HERC1: variants seen among roughly 807,000 people sequenced by gnomAD.
HERC1 encodes HECT and RLD domain containing E3 ubiquitin protein ligase family member 1, also known as probable E3 ubiquitin-protein ligase HERC1.
HERC1 carries 160 observed loss-of-function variants against 554.3 expected under a neutral mutation model. That is an observed-to-expected ratio of 0.29 (90% CI 0.25 to 0.33). The LOEUF (loss-of-function observed/expected upper bound fraction) is 0.33. Among genes scored for constraint, HERC1 ranks in the 10% least tolerant of loss-of-function variants. The pLI is 1.00. For synonymous variants in HERC1, 2,175 were observed against 2,131.7 expected (o/e 1.02, Z -0.56); for missense variants, 4,919 against 5,918.5 (o/e 0.83, Z 5.54).
In HERC1 at chr15:63,775,480, T is replaced by C; in HGVS notation, c.144A>G (p.Val48=). The change falls in exon 2 of 78, where the codon GTA becomes GTG. Residue 48 remains valine (V), a synonymous_variant. Transcript: ENST00000443617. The surrounding 1 kb of genome is among the most constrained non-coding windows in gnomAD (Gnocchi z 4.0). The part of the protein sequence containing the change: ...YSKLVSNKEV[V]PLPQQVLCLK... ...GGCATAAAACTTGTTGGGGCAAAGGTACTACTTCCTTATTGCTAACCAGTT... is the reference window on the plus strand; with the variant it reads ...GGCATAAAACTTGTTGGGGCAAAGGCACTACTTCCTTATTGCTAACCAGTT... 1.2e-6 allele frequency: 2 copies of C among 1,613,996 alleles called. No homozygotes were observed. The highest frequency in any genetic ancestry group is 1.7e-6 in the Non-Finnish European group (2 of 1,179,890).
intron 77 of HERC1, 27 bp from the exon 78 acceptor site, chr15:63,609,293 C>T: frequency 6.3e-7 from 1 of 1,578,258 alleles, no homozygotes; most frequent in Non-Finnish European, 8.6e-7. Flanking sequence ...AGAGCCGTGA[C>T]TGGGGACATC....
At chr15:63,672,754 C>A (rs763884090) in intron 38 of HERC1, 60 bp from the exon 39 acceptor site, 4 of 1,171,566 alleles carry the variant, frequency 3.4e-6, no homozygotes, top group South Asian at 1.7e-5. Context: ...AAAATAACAG[C>A]GGGAATAAAA....
intron 2 of HERC1, among the ~76,000 whole-genome samples, chr15:63,769,986 G>C (rs1318249387): frequency 6.6e-6 from 1 of 152,018 alleles, no homozygotes; most frequent in East Asian, 1.9e-4. Context: ...CATAAGATTA[G>C]ACGGAGTACA....
intron 43 of HERC1, among the ~76,000 whole-genome samples, chr15:63,663,583 T>G (rs2070463973): frequency 6.6e-6 from 1 of 152,134 alleles, no homozygotes; most frequent in Non-Finnish European, 1.5e-5. Context: ...AGCCTCTGAG[T>G]AGCTAGGACT....
rs2068208200 is a variant in HERC1 at position 63,624,320 on chromosome 15, G to A, written c.13283C>T (p.Thr4428Ile). Residue 4428 changes from threonine (T) to isoleucine (I), a missense_variant, in exon 72 of 78, where the codon ACA (threonine) becomes ATA (isoleucine). This residue lies in a region of HERC1 where 410 missense variants were observed against 467.0 expected (regional missense o/e 0.88). Coordinates refer to ENST00000443617, the MANE Select transcript of HERC1 (RefSeq NM_003922.4). ...LNLSPNNQNS[T>I]SHYNAGTWGI... The stretch of plus-strand genomic sequence containing the variant: ...CCAAGTTCCAGCATTATAATGGGAT[G>A]TGCTGTTCTGTAACAGAAGGTACGG... 1 of 1,599,392 alleles carries A rather than the reference G, an allele frequency of 6.3e-7. No individual in the cohort carries two copies. Among genetic ancestry groups the A allele is most frequent in the Non-Finnish European group, 8.5e-7 (1 of 1,171,328 alleles).
In HERC1 at chr15:63,756,783, T is replaced by C; in HGVS notation, c.1222-35A>G. ...AAGAATCATAAATATAAAATACTTCTGTGAGTATCAAAGTATAATATTTAA... is the reference window on the plus strand; with the variant it reads ...AAGAATCATAAATATAAAATACTTCCGTGAGTATCAAAGTATAATATTTAA... On this transcript the variant is annotated intron_variant, in intron 4 of 77. Transcript: ENST00000443617. The surrounding 1 kb of genome is among the most constrained non-coding windows in gnomAD (Gnocchi z 5.0). 7.5e-7 allele frequency: 1 copy of C among 1,341,442 alleles called. No homozygotes were observed. Among genetic ancestry groups the C allele is most frequent in the Middle Eastern group, 1.9e-4 (1 of 5,198 alleles). The allele number at this position is 1,341,442 out of a possible 1,614,324, so 83.1% of individuals were successfully genotyped here. A position where few individuals can be genotyped will look rare whatever the true frequency, so the allele number is the denominator to read the frequency against.
intron 1 of HERC1, among the ~76,000 whole-genome samples, chr15:63,826,354 C>T (rs2077902217): frequency 6.6e-6 from 1 of 152,132 alleles, no homozygotes. Context: ...GGAACTATGA[C>T]AGGTTCCAAG....
In HERC1 at chr15:63,645,525, C is replaced by T. The variant is rs143508709; in HGVS notation, c.11036G>A (p.Arg3679His). The change falls in exon 56 of 78, where the codon CGC becomes CAC. Residue 3679 changes from arginine to histidine, a missense_variant. Physicochemically the swap from Arg to His is conservative, Grantham distance 29 (BLOSUM62 0). This residue lies in a region of HERC1 where 1,963 missense variants were observed against 2,228.6 expected (regional missense o/e 0.88). Transcript: ENST00000443617. ...CAACTTGGATCCTTTCCCTGGAAGG[C>T]GGCACCAAGCAATGCCATTTACAAT... ...PSIVNGIAWCRLPGKGSKLQL... is the reference protein window; with the variant it reads ...PSIVNGIAWCHLPGKGSKLQL... 9.7e-4 allele frequency: 1,558 copies of T among 1,611,716 alleles called. 9 individuals are homozygous for T. In the African/African-American group the frequency reaches 0.019, roughly 19 times the overall value.
At chr15:63,654,721 C>T (rs1346359284) in intron 50 of HERC1, among the ~76,000 whole-genome samples, 1 of 150,834 alleles carries the variant, frequency 6.6e-6, no homozygotes, top group Non-Finnish European at 1.5e-5. Flanking sequence ...AAATTAGCCA[C>T]ACCATGGTAT....
In HERC1 at chr15:63,749,901, T is replaced by C. The variant is rs2075178210; in HGVS notation, c.1903-110A>G. On this transcript the variant is annotated intron_variant, in intron 8 of 77. Coordinates refer to ENST00000443617, the MANE Select transcript of HERC1 (RefSeq NM_003922.4). The surrounding 1 kb of genome is among the most constrained non-coding windows in gnomAD (Gnocchi z 4.1). Reference sequence around the variant, plus strand: ...AAAGTGTGGTTTGATAGTAAATAACTTTCTGATGTTAAAATCATTTTGATC... The same window carrying C: ...AAAGTGTGGTTTGATAGTAAATAACCTTCTGATGTTAAAATCATTTTGATC... 1.6e-5 allele frequency: 14 copies of C among 870,600 alleles called. No individual in the cohort carries two copies. The highest frequency in any genetic ancestry group is 2.3e-5 in the Non-Finnish European group (14 of 600,488). 53.9% of individuals were successfully genotyped at this position (870,600 alleles called of 1,614,324 possible).
chr15:63,636,357 A>C (rs1430551772), intron 64 of HERC1, among the ~76,000 whole-genome samples: 1 of 143,344 alleles, frequency 7.0e-6, no homozygotes, highest in African/African-American at 2.6e-5. Flanking sequence ...TGCAACCTCC[A>C]CCTCCCCGGT....
chr15:63,645,710 T>C, intron 55 of HERC1, 28 bp from the exon 56 acceptor site: 1 of 1,334,006 alleles, frequency 7.5e-7, no homozygotes, highest in Non-Finnish European at 1.0e-6. Flanking sequence ...AGAAAAAAAA[T>C]CAGAGTAATG....
chr15:63,621,270 T>A (rs2068064552), intron 74 of HERC1, among the ~76,000 whole-genome samples: 1 of 152,196 alleles, frequency 6.6e-6, no homozygotes, highest in Non-Finnish European at 1.5e-5. Context: ...TTTGGCTGGA[T>A]ATGAAATTCT....
intron 1 of HERC1, among the ~76,000 whole-genome samples, chr15:63,804,890 C>T (rs924522210): frequency 2.0e-5 from 3 of 152,170 alleles, no homozygotes; most frequent in African/African-American, 4.8e-5. Context: ...CAACAAGATA[C>T]TATTACAAAT....
chr15:63,656,954 G>A (rs1403266964), intron 48 of HERC1, among the ~76,000 whole-genome samples: 3 of 152,088 alleles, frequency 2.0e-5, no homozygotes, highest in African/African-American at 2.4e-5. Context: ...ACAATCAGGC[G>A]GTTTCCAACA....
rs545372035 is a variant in HERC1 at position 63,739,002 on chromosome 15, C to T, written c.2521-4153G>A. Among the ~76,000 whole-genome samples the T allele has an allele frequency of 5.4e-4, 82 of 150,612 alleles. 2 individuals are homozygous for T. The South Asian group carries it at 0.017, about 31-fold the overall frequency. ...GTTTATTTTTTTTTTTTCAAATTGA[C>T]ATATAATCCACATGCCACAGAATTC... On this transcript the variant is annotated intron_variant, in intron 12 of 77. Coordinates refer to ENST00000443617, the MANE Select transcript of HERC1 (RefSeq NM_003922.4).
intron 39 of HERC1, among the ~76,000 whole-genome samples, chr15:63,671,424 A>C (rs936329362): frequency 2.6e-5 from 4 of 152,060 alleles, no homozygotes; most frequent in African/African-American, 9.7e-5. Flanking sequence ...TTATTCCTCT[A>C]TCTTCCTTAT....
At chr15:63,792,022 T>A (rs1292436967) in intron 1 of HERC1, among the ~76,000 whole-genome samples, 1 of 152,202 alleles carries the variant, frequency 6.6e-6, no homozygotes, top group Non-Finnish European at 1.5e-5. Flanking sequence ...TGATTTAATT[T>A]TTCATTTTTC....
rs369061402 is a variant in HERC1 at position 63,727,625 on chromosome 15, C to T, written c.3346+22G>A. ...CAACTTTTCTCAAAGGCATTATTTG[C>T]TCTTTTATTGTCTTTACTTACCATG... is the stretch of plus-strand genomic sequence containing the variant. On this transcript the variant is annotated intron_variant, in intron 17 of 77. Coordinates refer to ENST00000443617, the MANE Select transcript of HERC1 (RefSeq NM_003922.4). This position sits in a 1 kb window ranked among gnomAD's most constrained non-coding sequence, Gnocchi z 4.3. 18 of 1,570,410 alleles carry T rather than the reference C, an allele frequency of 1.1e-5. No homozygotes were observed. Among genetic ancestry groups the T allele is most frequent in the African/African-American group, 1.1e-4 (8 of 73,972 alleles).
Sources: allele counts gnomAD v4.1 joint callset (sites outside exome capture counted in the v4.1 genomes callset), GRCh38; gene constraint gnomAD v4.1.1; regional missense constraint gnomAD v4.1.1; non-coding constraint Gnocchi (gnomAD v3.1); transcripts MANE v1.5; gene names NCBI Gene and HGNC (gene_info 2026-07-23, HGNC 2026-07-21).